Variants in ACACA observed in about 807,000 individuals in gnomAD.
ACACA encodes acetyl-CoA carboxylase alpha, also known as acetyl-CoA carboxylase 1.
A neutral mutation model predicts 296.1 loss-of-function variants in ACACA; 103 were observed. That is an observed-to-expected ratio of 0.35 (90% confidence interval 0.30 to 0.41). ACACA has a LOEUF of 0.41. Ranked by LOEUF, ACACA falls within the 10% of genes least tolerant of loss-of-function variation. ACACA has a pLI of 1.00. For missense variants in ACACA, 1,554 were observed against 2,989.7 expected (o/e 0.52, Z 11.20); for synonymous variants, 953 against 1,038.6 (o/e 0.92, Z 1.58).
At chr17:37,173,576 G>A (rs948261781) in intron 41 of ACACA, among the ~76,000 whole-genome samples, 5 of 151,700 alleles carry the variant, frequency 3.3e-5, no homozygotes, top group African/African-American at 7.3e-5. Flanking sequence ...TAGATGCAGG[G>A]GTATTTGTCA....
At chr17:37,238,208 T>C (rs1020835281) in intron 24 of ACACA, among the ~76,000 whole-genome samples, 3 of 152,150 alleles carry the variant, frequency 2.0e-5, no homozygotes, top group African/African-American at 7.2e-5. Flanking sequence ...TTCACCTCTT[T>C]AGTACATATT....
chr17:37,286,795 A>C (rs1258620714), intron 3 of ACACA, among the ~76,000 whole-genome samples: 1 of 151,916 alleles, frequency 6.6e-6, no homozygotes, highest in Non-Finnish European at 1.5e-5. Flanking sequence ...CAGCTACCCA[A>C]AGCTTATGCC....
intron 25 of ACACA, among the ~76,000 whole-genome samples, chr17:37,229,434 C>G (rs1051268160): frequency 8.6e-5 from 13 of 151,358 alleles, no homozygotes; most frequent in Non-Finnish European, 1.8e-4. Context: ...CTCCCGAGTA[C>G]CTGGGACTAC....
rs1196332925 is a variant in ACACA at position 37,216,175 on chromosome 17, T to A, written c.3683+5549A>T. 2.1e-5 allele frequency among the ~76,000 whole-genome samples: 3 copies of A among 142,666 alleles called. No individual in the cohort carries two copies. The South Asian group carries it at 6.5e-4, about 31-fold the overall frequency. 93.6% of individuals were successfully genotyped at this position (142,666 alleles called of 152,430 possible). A position where few individuals can be genotyped will look rare whatever the true frequency, so the allele number is the denominator to read the frequency against. On this transcript the variant is annotated intron_variant, in intron 29 of 55. Coordinates refer to ENST00000616317, the MANE Select transcript of ACACA (RefSeq NM_198834.3). ...ACACACACAACATACACATGTTACA[T>A]ATACATACACACACGTGTGTGTGTG... is the stretch of plus-strand genomic sequence containing the variant.
In ACACA at chr17:37,196,623, A is replaced by C. The variant is rs1056400532; in HGVS notation, c.4159-3208T>G. ...TTGCTGAAAAAAATATGGAAAGCTT[A>C]AAAAAAAAAAAGCATAATATTATAT... On this transcript the variant is annotated intron_variant, in intron 35 of 55. Transcript: ENST00000616317. Among the ~76,000 whole-genome samples, 15 of 139,442 alleles carry C rather than the reference A, an allele frequency of 1.1e-4. No homozygotes were observed. The East Asian group carries it at 1.4e-3, about 13-fold the overall frequency. The allele number at this position is 139,442 out of a possible 152,430, so 91.5% of individuals were successfully genotyped here. A position where few individuals can be genotyped will look rare whatever the true frequency, so the allele number is the denominator to read the frequency against.
intron 42 of ACACA, among the ~76,000 whole-genome samples, chr17:37,157,175 C>T (rs553872309): frequency 1.3e-5 from 2 of 152,182 alleles, no homozygotes; most frequent in East Asian, 3.9e-4. Context: ...CAAGGAAAGC[C>T]TCATTGAAAA....
intron 3 of ACACA, among the ~76,000 whole-genome samples, chr17:37,292,500 AT>A (rs780413719): frequency 1.3e-5 from 2 of 152,204 alleles, no homozygotes; most frequent in African/African-American, 4.8e-5. Flanking sequence ...AAACATAAGC[AT>A]TTTTCTGTGC....
At chr17:37,162,385 C>A (rs888096046) in intron 41 of ACACA, among the ~76,000 whole-genome samples, 1 of 152,166 alleles carries the variant, frequency 6.6e-6, no homozygotes, top group African/African-American at 2.4e-5. Flanking sequence ...TCTCATTTTA[C>A]TGCCATATAT....
At chr17:37,151,956 G>A (rs1050394768) in intron 43 of ACACA, among the ~76,000 whole-genome samples, 13 of 151,912 alleles carry the variant, frequency 8.6e-5, no homozygotes, top group African/African-American at 2.7e-4. Context: ...CACCGCGCCC[G>A]GCCTAATTTT....
At chr17:37,156,829 T>C (rs1042957625) in intron 42 of ACACA, among the ~76,000 whole-genome samples, 5 of 152,244 alleles carry the variant, frequency 3.3e-5, no homozygotes, top group African/African-American at 1.2e-4. Context: ...TCAATAAATG[T>C]ATGTCCCACA....
At chr17:37,235,616 AG>A (rs1465714671) in intron 24 of ACACA, among the ~76,000 whole-genome samples, 1 of 152,224 alleles carries the variant, frequency 6.6e-6, no homozygotes, top group Non-Finnish European at 1.5e-5. Context: ...CCTAATCAGT[AG>A]GAACAGTTTT....
intron 1 of ACACA, among the ~76,000 whole-genome samples, chr17:37,388,439 G>A (rs2050645372): frequency 6.6e-6 from 1 of 152,098 alleles, no homozygotes. Flanking sequence ...TCCAGGGAAG[G>A]TGACTCAGTG....
intron 1 of ACACA, chr17:37,369,271 G>C (rs1476758169): frequency 6.6e-6 from 1 of 152,276 alleles, no homozygotes; most frequent in South Asian, 2.1e-4. Flanking sequence ...AAAGCAGGAG[G>C]ATCACTTGAG....
At chr17:37,328,727 TTAATAA>T in intron 3 of ACACA, 1 of 395,024 alleles carries the variant, frequency 2.5e-6, no homozygotes, top group Non-Finnish European at 4.5e-6. Context: ...TTATGACCCA[TTAATAA>T]TAAAGGTGCC....
At chr17:37,231,209 T>A (rs866193427) in intron 25 of ACACA, among the ~76,000 whole-genome samples, 1 of 146,938 alleles carries the variant, frequency 6.8e-6, no homozygotes, top group Non-Finnish European at 1.5e-5. Flanking sequence ...TGAGACCACA[T>A]CTTTAATTTA....
intron 1 of ACACA, among the ~76,000 whole-genome samples, chr17:37,370,152 T>C (rs965484029): frequency 1.5e-4 from 22 of 151,052 alleles, no homozygotes; most frequent in East Asian, 6.0e-4. Context: ...ACTACAGGCA[T>C]GAGCCACCAT....
At chr17:37,177,597 C>T (rs2077169021) in intron 41 of ACACA, among the ~76,000 whole-genome samples, 1 of 152,186 alleles carries the variant, frequency 6.6e-6, no homozygotes, top group African/African-American at 2.4e-5. Flanking sequence ...AACCATTTTG[C>T]TCTCAGCCCC....
At chr17:37,395,074 A>G (rs1264564583) in intron 1 of ACACA, among the ~76,000 whole-genome samples, 1 of 152,092 alleles carries the variant, frequency 6.6e-6, no homozygotes, top group Non-Finnish European at 1.5e-5. Flanking sequence ...GACATTATAA[A>G]TATATATACA....
intron 29 of ACACA, among the ~76,000 whole-genome samples, chr17:37,219,724 T>G (rs2079195757): frequency 6.7e-6 from 1 of 148,532 alleles, no homozygotes; most frequent in Non-Finnish European, 1.5e-5. Context: ...TTTTCATATA[T>G]TATAATATAT....
Sources: gnomAD v4.1 joint callset for allele counts (sites outside exome capture counted in the v4.1 genomes callset) on GRCh38, gnomAD v4.1.1 for gene constraint, MANE v1.5 for transcripts, NCBI Gene and HGNC (gene_info 2026-07-23, HGNC 2026-07-21) for gene names.